Variants in RHOD observed in about 807,000 individuals in gnomAD.
RHOD encodes ras homolog family member D.
A neutral mutation model predicts 16.7 loss-of-function variants in RHOD; 11 were observed. The observed-to-expected ratio is 0.66, with a 90% CI of 0.41 to 1.09. RHOD has a LOEUF of 1.09. RHOD is among the 50% of genes least tolerant of loss of function. The probability of loss-of-function intolerance (pLI) is 0.00; values close to 1 mark genes in which losing one functional copy is unlikely to be tolerated. For synonymous variants in RHOD, 124 were observed against 126.3 expected, an observed-to-expected ratio of 0.98 and a Z score of 0.12; for missense variants, 271 against 291.7, an observed-to-expected ratio of 0.93 and a Z score of 0.52.
chr11:67,067,945 G>A (rs1011208605), intron 3 of RHOD, among the ~76,000 whole-genome samples: 2 of 152,092 alleles, frequency 1.3e-5, no homozygotes, highest in East Asian at 1.9e-4. Flanking sequence ...GACTACAGGC[G>A]CCCGCCACCA....
intron 1 of RHOD, among the ~76,000 whole-genome samples, chr11:67,063,350 A>G (rs950151897): frequency 2.6e-5 from 4 of 151,988 alleles, no homozygotes; most frequent in African/African-American, 9.7e-5. Context: ...AAAATTAGCC[A>G]GGCATGGTGG....
chr11:67,066,787 C>T lies in RHOD; in HGVS notation c.270C>T (p.Ser90=), dbSNP rs144971798. The change falls in exon 3 of 5, where the codon AGC becomes AGT. Residue 90 remains serine, a synonymous_variant. Transcript: ENST00000308831. Reference sequence around the variant, plus strand: ...GGCCCCTGTTCTACCCTGACGCCAGCGTCCTGCTGCTTTGCTTCGATGTCA... The same window carrying T: ...GGCCCCTGTTCTACCCTGACGCCAGTGTCCTGCTGCTTTGCTTCGATGTCA... ...RLRPLFYPDA[S]VLLLCFDVTS... 3.5e-5 allele frequency: 57 copies of T among 1,614,026 alleles called. No homozygotes were observed. In the East Asian group the frequency reaches 8.2e-4, roughly 23 times the overall value.
chr11:67,067,622 G>C (rs1228359820), intron 3 of RHOD, among the ~76,000 whole-genome samples: 1 of 152,188 alleles, frequency 6.6e-6, no homozygotes, highest in African/African-American at 2.4e-5. Context: ...GAGCACATTC[G>C]TTCTGGTGCT....
chr11:67,061,761 T>C (rs1464857274), intron 1 of RHOD, among the ~76,000 whole-genome samples: 3 of 141,042 alleles, frequency 2.1e-5, no homozygotes, highest in South Asian at 4.4e-4. Context: ...AAAAAATATA[T>C]ATATATATAT....
intron 3 of RHOD, among the ~76,000 whole-genome samples, chr11:67,069,055 C>T (rs1351411427): frequency 1.3e-5 from 2 of 151,784 alleles, no homozygotes; most frequent in East Asian, 3.9e-4. Flanking sequence ...GCAACCTCCA[C>T]CTCCTGGGTT....
intron 1 of RHOD, among the ~76,000 whole-genome samples, chr11:67,063,089 A>T (rs5006008): frequency 0.28 from 42,516 of 151,868 alleles, 7,182 homozygotes; most frequent in South Asian, 0.51. Flanking sequence ...CAAAGAAGAA[A>T]GGCCCAAACA....
chr11:67,063,254 G>T (rs921599844), intron 1 of RHOD, among the ~76,000 whole-genome samples: 7 of 152,088 alleles, frequency 4.6e-5, no homozygotes, highest in Non-Finnish European at 7.4e-5. Context: ...ACTTTGGGAG[G>T]CCAAGGTGGG....
chr11:67,065,244 T>G (rs982872980), intron 1 of RHOD, among the ~76,000 whole-genome samples: 5 of 152,086 alleles, frequency 3.3e-5, no homozygotes, highest in Admixed American at 6.5e-5. Context: ...CCTGGCTAAT[T>G]TTTGTATTTT....
At position 67,071,720 on chromosome 11, in the gene RHOD, C is replaced by A. The variant is rs925473973; in HGVS notation, c.*118C>A. 2 of 1,120,092 alleles carry A rather than the reference C, an allele frequency of 1.8e-6. No individual in the cohort carries two copies. The highest frequency in any genetic ancestry group is 2.7e-5 in the East Asian group (1 of 37,254). The allele number at this position is 1,120,092 out of a possible 1,614,324, so 69.4% of individuals were successfully genotyped here. A position where few individuals can be genotyped will look rare whatever the true frequency, so the allele number is the denominator to read the frequency against. On this transcript the variant is annotated 3_prime_UTR_variant, in exon 5 of 5. Coordinates refer to ENST00000308831, the MANE Select transcript of RHOD (RefSeq NM_014578.4). ...GCCGAACTCCACTGCAACAGACGGG[C>A]GCCACCAAAGCCAGGCCCTGAGGCC... is the stretch of plus-strand genomic sequence containing the variant.
intron 3 of RHOD, among the ~76,000 whole-genome samples, chr11:67,068,347 G>T (rs1590672427): frequency 6.6e-6 from 1 of 152,180 alleles, no homozygotes; most frequent in Non-Finnish European, 1.5e-5. Flanking sequence ...CTAGAGGAGA[G>T]GAAAGACCAC....
chr11:67,057,824 C>T (rs72926941), intron 1 of RHOD, among the ~76,000 whole-genome samples: 11,495 of 152,220 alleles, frequency 0.076, 634 homozygotes, highest in Middle Eastern at 0.18. Flanking sequence ...AGCTCCCGTG[C>T]GGTAGCTGGC....
intron 1 of RHOD, among the ~76,000 whole-genome samples, chr11:67,061,632 C>CAA (rs56111361): frequency 5.5e-5 from 5 of 90,804 alleles, no homozygotes; most frequent in Non-Finnish European, 1.1e-4. Flanking sequence ...AACTCTGTCT[C>CAA]AAAAAAAAAA....
chr11:67,058,397 C>G (rs149212155), intron 1 of RHOD, among the ~76,000 whole-genome samples: 1 of 152,096 alleles, frequency 6.6e-6, no homozygotes, highest in Admixed American at 6.6e-5. Flanking sequence ...AGAATGGTCT[C>G]GATCATTTGA....
At chr11:67,068,973 G>A (rs1337138119) in intron 3 of RHOD, among the ~76,000 whole-genome samples, 1 of 151,858 alleles carries the variant, frequency 6.6e-6, no homozygotes, top group Non-Finnish European at 1.5e-5. Flanking sequence ...TTGTTTGTTT[G>A]TTTGTTTGTT....
intron 1 of RHOD, among the ~76,000 whole-genome samples, chr11:67,065,467 G>GCAATTCTCACTGCAAC (rs1854947444): frequency 6.6e-6 from 1 of 151,996 alleles, no homozygotes; most frequent in Non-Finnish European, 1.5e-5. Context: ...TGCAACCTCA[G>GCAATTCTCACTGCAAC]TCCCAAGCAA....
chr11:67,072,004 A>C lies in RHOD; in HGVS notation c.*402A>C. The C allele has an allele frequency of 2.2e-5, 4 of 184,818 alleles. No homozygotes were observed. Among genetic ancestry groups the C allele is most frequent in the Non-Finnish European group, 2.2e-5 (2 of 90,450 alleles). The allele number at this position is 184,818 out of a possible 1,614,324, so 11.4% of individuals were successfully genotyped here. On this transcript the variant is annotated 3_prime_UTR_variant, in exon 5 of 5. Coordinates refer to ENST00000308831, the MANE Select transcript of RHOD (RefSeq NM_014578.4). ...TCATACTGGTAACTGTAACAAGAAA[A>C]ACGACATCACTTATCATTGTGTCGT...
intron 1 of RHOD, among the ~76,000 whole-genome samples, chr11:67,064,092 T>A (rs1290547368): frequency 1.7e-3 from 175 of 103,236 alleles, no homozygotes; most frequent in African/African-American, 6.3e-3. Flanking sequence ...GGTGACAGAG[T>A]GAGACTCCGT....
intron 2 of RHOD, among the ~76,000 whole-genome samples, 179 bp from the exon 3 acceptor site, chr11:67,066,559 C>G (rs1854961153): frequency 6.6e-6 from 1 of 152,264 alleles, no homozygotes; most frequent in Non-Finnish European, 1.5e-5. Flanking sequence ...GAGCACTGCC[C>G]CAAAGGGGCA....
chr11:67,069,731 C>T (rs969894045), intron 3 of RHOD, among the ~76,000 whole-genome samples: 1 of 139,434 alleles, frequency 7.2e-6, no homozygotes, highest in Non-Finnish European at 1.6e-5. Flanking sequence ...TTCACTCTGT[C>T]GCCCAGGCTG....
Sources: gnomAD v4.1 joint callset for allele counts (sites outside exome capture counted in the v4.1 genomes callset) on GRCh38, gnomAD v4.1.1 for gene constraint, MANE v1.5 for transcripts, NCBI Gene and HGNC (gene_info 2026-07-23, HGNC 2026-07-21) for gene names.